Variants in ANKS1A observed in about 807,000 individuals in gnomAD.
The protein encoded by ANKS1A is ankyrin repeat and sterile alpha motif domain containing 1A, also known as ankyrin repeat and SAM domain-containing protein 1A.
A neutral mutation model predicts 120.3 loss-of-function variants in ANKS1A; 55 were observed. The observed-to-expected ratio is 0.46, with a 90% CI of 0.37 to 0.57. ANKS1A has a LOEUF of 0.57. ANKS1A is among the 20% of genes least tolerant of loss of function. The pLI, the probability that ANKS1A is intolerant of heterozygous loss-of-function variation, is 0.00. For missense variants in ANKS1A, 1,123 were observed against 1,480.3 expected, an observed-to-expected ratio of 0.76 and a Z score of 3.96; for synonymous variants, 590 against 604.7, an observed-to-expected ratio of 0.98 and a Z score of 0.36.
At chr6:34,957,124 G>A (rs1770411277) in intron 1 of ANKS1A, among the ~76,000 whole-genome samples, 3 of 152,138 alleles carry the variant, frequency 2.0e-5, no homozygotes, top group African/African-American at 2.4e-5. Context: ...TTTATGTTCA[G>A]TTATCTTCTC....
chr6:34,975,424 A>C (rs1008223996), intron 3 of ANKS1A, among the ~76,000 whole-genome samples: 50 of 150,500 alleles, frequency 3.3e-4, no homozygotes, highest in Non-Finnish European at 5.9e-4. Context: ...ACTGCACTCC[A>C]GCCTGGGCAA....
At chr6:35,077,526 A>C (rs1777433257) in intron 13 of ANKS1A, among the ~76,000 whole-genome samples, 1 of 152,234 alleles carries the variant, frequency 6.6e-6, no homozygotes, top group South Asian at 2.1e-4. Context: ...ACGTCCAGGA[A>C]GTGGCAGCAG....
In ANKS1A at chr6:34,991,581, T is replaced by C. The variant is rs199961487; in HGVS notation, c.1302+2265T>C. 1.6e-3 allele frequency among the ~76,000 whole-genome samples: 199 copies of C among 122,666 alleles called. 11 individuals carry two copies. In the East Asian group the frequency reaches 0.023, roughly 14 times the overall value. 80.5% of individuals were successfully genotyped at this position (122,666 alleles called of 152,430 possible). On this transcript the variant is annotated intron_variant, in intron 9 of 23. Coordinates refer to ENST00000360359, the MANE Select transcript of ANKS1A (RefSeq NM_015245.3). ...ACACACACACACACACACACACACA[T>C]ATACACATATATATATACACACATA...
intron 1 of ANKS1A, among the ~76,000 whole-genome samples, chr6:34,913,204 A>C (rs917620212): frequency 6.6e-6 from 1 of 152,234 alleles, no homozygotes; most frequent in East Asian, 1.9e-4. Flanking sequence ...CCCCAATATA[A>C]ATAACTAGTC....
At chr6:35,093,540 C>T (rs1254809903), downstream of ANKS1A, among the ~76,000 whole-genome samples, 1 of 152,110 alleles carries the variant, frequency 6.6e-6, no homozygotes, top group East Asian at 1.9e-4. Flanking sequence ...TAGCAAAATG[C>T]ACCTTTGAGA....
chr6:35,077,794 T>A (rs1468315630), intron 13 of ANKS1A, among the ~76,000 whole-genome samples: 4 of 152,130 alleles, frequency 2.6e-5, no homozygotes, highest in Non-Finnish European at 4.4e-5. Context: ...TCTGTTAGAT[T>A]AACGGGATTA....
In ANKS1A at chr6:34,932,340, C is replaced by T. The variant is rs923300906; in HGVS notation, c.198-34899C>T. ...AACTCGGATTACAGGCACCCACCAC[C>T]GCCCCTGGCTATTTATATTTTTAAC... On this transcript the variant is annotated intron_variant, in intron 1 of 23. Coordinates refer to ENST00000360359, the MANE Select transcript of ANKS1A (RefSeq NM_015245.3). Among the ~76,000 whole-genome samples the T allele has an allele frequency of 3.3e-5, 5 of 152,168 alleles. No individual in the cohort carries two copies. In the South Asian group the frequency reaches 1.0e-3, roughly 31 times the overall value.
intron 1 of ANKS1A, among the ~76,000 whole-genome samples, chr6:34,923,899 G>A (rs769268511): frequency 6.6e-6 from 1 of 152,184 alleles, no homozygotes; most frequent in East Asian, 1.9e-4. Context: ...CAAAGAGCCA[G>A]CAAACTGTTT....
intron 9 of ANKS1A, among the ~76,000 whole-genome samples, chr6:34,990,815 C>T (rs1772463857): frequency 6.6e-6 from 1 of 152,078 alleles, no homozygotes; most frequent in South Asian, 2.1e-4. Context: ...GCCTGGAATT[C>T]TGGATCAGTT....
chr6:34,947,296 G>A (rs847842), intron 1 of ANKS1A, among the ~76,000 whole-genome samples: 23,618 of 151,578 alleles, frequency 0.16, 3,027 homozygotes, highest in African/African-American at 0.34. Context: ...ACAGGCGCCC[G>A]CCACCATGCC....
intron 13 of ANKS1A, among the ~76,000 whole-genome samples, chr6:35,064,994 C>A (rs549471350): frequency 6.6e-6 from 1 of 152,312 alleles, no homozygotes; most frequent in African/African-American, 2.4e-5. Flanking sequence ...GAATGTAATT[C>A]CTCGGTATCC....
intron 13 of ANKS1A, among the ~76,000 whole-genome samples, chr6:35,076,005 C>T (rs1777334808): frequency 6.6e-6 from 1 of 152,176 alleles, no homozygotes; most frequent in South Asian, 2.1e-4. Flanking sequence ...AGTGATCCTC[C>T]CACCTCACCT....
At chr6:34,903,939 C>T (rs558415693) in intron 1 of ANKS1A, among the ~76,000 whole-genome samples, 1 of 152,322 alleles carries the variant, frequency 6.6e-6, no homozygotes, top group Admixed American at 6.5e-5. Context: ...ATCTTTCTGC[C>T]TTGGCCTCCC....
intron 11 of ANKS1A, among the ~76,000 whole-genome samples, chr6:35,033,693 C>G (rs1301180736): frequency 6.6e-6 from 1 of 152,226 alleles, no homozygotes; most frequent in Non-Finnish European, 1.5e-5. Context: ...ATTTGTTTCA[C>G]CGCTGACAAA....
intron 3 of ANKS1A, among the ~76,000 whole-genome samples, chr6:34,979,030 G>A (rs1771760615): frequency 6.6e-6 from 1 of 151,660 alleles, no homozygotes; most frequent in African/African-American, 2.4e-5. Context: ...CGAGTAGCTG[G>A]TACTACAGGT....
At chr6:34,956,837 C>T (rs1312709567) in intron 1 of ANKS1A, among the ~76,000 whole-genome samples, 1 of 152,208 alleles carries the variant, frequency 6.6e-6, no homozygotes, top group African/African-American at 2.4e-5. Flanking sequence ...AATAAATCAA[C>T]CCTCTCCTGT....
At chr6:34,950,291 A>C (rs2127492298) in intron 1 of ANKS1A, among the ~76,000 whole-genome samples, 1 of 133,190 alleles carries the variant, frequency 7.5e-6, no homozygotes, top group South Asian at 2.3e-4. Flanking sequence ...CAGTGGCGCG[A>C]TCTTGGCTTA....
At chr6:34,909,352 C>T (rs1186742621) in intron 1 of ANKS1A, among the ~76,000 whole-genome samples, 1 of 152,174 alleles carries the variant, frequency 6.6e-6, no homozygotes, top group Admixed American at 6.5e-5. Context: ...TCCATTGCGC[C>T]ATGCTCTATG....
At chr6:34,914,157 G>A (rs550086358) in intron 1 of ANKS1A, among the ~76,000 whole-genome samples, 4 of 130,060 alleles carry the variant, frequency 3.1e-5, no homozygotes, top group Non-Finnish European at 6.9e-5. Flanking sequence ...TCCTGACCTC[G>A]TGATCTGCCC....
Sources: gnomAD v4.1 joint callset for allele counts (sites outside exome capture counted in the v4.1 genomes callset) on GRCh38, gnomAD v4.1.1 for gene constraint, MANE v1.5 for transcripts, NCBI Gene and HGNC (gene_info 2026-07-23, HGNC 2026-07-21) for gene names.